Variants in DYNC2I2 observed in about 807,000 individuals in gnomAD.
DYNC2I2 encodes the protein cytoplasmic dynein 2 intermediate chain 2.
In DYNC2I2, 39 loss-of-function variants were observed where a neutral mutation model predicts 52.0. That is an observed-to-expected ratio of 0.75 (90% CI 0.58 to 0.98). DYNC2I2 has a LOEUF of 0.98. DYNC2I2 is among the 50% of genes least tolerant of loss of function. The probability of loss-of-function intolerance (pLI) is 0.00; values close to 1 mark genes in which losing one functional copy is unlikely to be tolerated. For synonymous variants in DYNC2I2, 359 were observed against 321.1 expected, an observed-to-expected ratio of 1.12 and a Z score of -1.26; for missense variants, 743 against 728.4, an observed-to-expected ratio of 1.02 and a Z score of -0.23.
chr9:128,676,848 T>TG, the DYNC2I2 span, among the ~76,000 whole-genome samples: 1 of 139,442 alleles, frequency 7.2e-6, no homozygotes, highest in Non-Finnish European at 1.6e-5. Context: ...TGTTTTTTTT[T>TG]TTGTTTTGTT....
chr9:128,666,007 G>T, the DYNC2I2 span, among the ~76,000 whole-genome samples: 4 of 151,176 alleles, frequency 2.6e-5, no homozygotes, highest in South Asian at 8.3e-4. Flanking sequence ...CCCAGGAGGC[G>T]GTGGTTGTAG....
upstream of DYNC2I2, among the ~76,000 whole-genome samples, chr9:128,660,312 G>A (rs1374189185): frequency 3.3e-5 from 5 of 151,674 alleles, no homozygotes; most frequent in East Asian, 1.9e-4. Flanking sequence ...AGGTTTCACC[G>A]TGTTAGCCAG....
upstream of DYNC2I2, among the ~76,000 whole-genome samples, chr9:128,661,020 G>A (rs984485061): frequency 6.6e-6 from 1 of 151,942 alleles, no homozygotes; most frequent in Non-Finnish European, 1.5e-5. Flanking sequence ...AAGCCACTGC[G>A]CCAGGTCAAA....
chr9:128,677,665 G>C, the DYNC2I2 span, among the ~76,000 whole-genome samples: 4 of 151,772 alleles, frequency 2.6e-5, no homozygotes, highest in Non-Finnish European at 5.9e-5. Context: ...AAATTAGCTC[G>C]GCGTGCTGGC....
chr9:128,680,144 T>C, the DYNC2I2 span, among the ~76,000 whole-genome samples: 1 of 151,928 alleles, frequency 6.6e-6, no homozygotes, highest in African/African-American at 2.4e-5. Context: ...CACCACAACC[T>C]CTGCCTCCCG....
intron 2 of DYNC2I2, among the ~76,000 whole-genome samples, chr9:128,637,750 A>AT (rs2132149251): frequency 6.6e-6 from 1 of 152,152 alleles, no homozygotes; most frequent in African/African-American, 2.4e-5. Flanking sequence ...GCTGCCCACG[A>AT]TTTTTTGTCA....
At chr9:128,663,649 C>CTTTTT in the DYNC2I2 span, 5 of 77,122 alleles carry the variant, frequency 6.5e-5, no homozygotes, top group African/African-American at 1.3e-4. Flanking sequence ...TAGTTTTTTT[C>CTTTTT]TTTTTTTTTT....
At chr9:128,661,944 AG>A in the DYNC2I2 span, among the ~76,000 whole-genome samples, 1 of 152,062 alleles carries the variant, frequency 6.6e-6, no homozygotes, top group African/African-American at 2.4e-5. Flanking sequence ...AGGGAGGCAG[AG>A]GCAGAAGAAT....
At chr9:128,671,106 G>C in the DYNC2I2 span, among the ~76,000 whole-genome samples, 1 of 150,406 alleles carries the variant, frequency 6.6e-6, no homozygotes, top group African/African-American at 2.4e-5. Context: ...AGAATGGGCA[G>C]TTTAGAAAAG....
At chr9:128,638,702 T>C (rs1256713667) in intron 2 of DYNC2I2, among the ~76,000 whole-genome samples, 1 of 152,078 alleles carries the variant, frequency 6.6e-6, no homozygotes, top group Non-Finnish European at 1.5e-5. Context: ...GTTTAGACCC[T>C]AGAGAAATGA....
At chr9:128,674,842 G>A in the DYNC2I2 span, among the ~76,000 whole-genome samples, 2 of 152,102 alleles carry the variant, frequency 1.3e-5, no homozygotes, top group Admixed American at 6.6e-5. Context: ...GCCTCCTAAC[G>A]TGCTGTGATT....
intron 1 of DYNC2I2, among the ~76,000 whole-genome samples, chr9:128,644,010 A>T (rs1430450676): frequency 6.6e-6 from 1 of 152,176 alleles, no homozygotes. Context: ...GGGATCAGAA[A>T]GTGCATGTGC....
At chr9:128,648,498 G>C (rs116627811) in intron 1 of DYNC2I2, among the ~76,000 whole-genome samples, 1 of 151,388 alleles carries the variant, frequency 6.6e-6, no homozygotes, top group Non-Finnish European at 1.5e-5. Flanking sequence ...CAAGCCAAGC[G>C]GGCAGGGCCA....
chr9:128,655,685 G>A (rs1471635282), intron 1 of DYNC2I2, among the ~76,000 whole-genome samples: 1 of 151,372 alleles, frequency 6.6e-6, no homozygotes, highest in African/African-American at 2.4e-5. Flanking sequence ...CGAGGAGGGC[G>A]GATCACGAGG....
intron 1 of DYNC2I2, 98 bp downstream of exon 1, chr9:128,656,443 G>T (rs1162541906): frequency 1.9e-6 from 2 of 1,051,410 alleles, no homozygotes; most frequent in Admixed American, 4.7e-5. Flanking sequence ...GCCCGAACCC[G>T]CCCGGCAGCC....
chr9:128,670,272 C>G, the DYNC2I2 span, among the ~76,000 whole-genome samples: 1 of 151,884 alleles, frequency 6.6e-6, no homozygotes, highest in African/African-American at 2.4e-5. Flanking sequence ...AACTCCGTCT[C>G]TACTAAAAAT....
In DYNC2I2 at chr9:128,640,850, G is replaced by A. The variant is rs368169728; in HGVS notation, c.276C>T (p.Pro92=). The A allele has an allele frequency of 5.2e-5, 84 of 1,613,262 alleles. No individual in the cohort carries two copies. The highest frequency in any genetic ancestry group is 2.3e-4 in the African/African-American group (17 of 74,916). The change falls in exon 2 of 9, where the codon CCC becomes CCT. Residue 92 remains proline (P), a synonymous_variant. Coordinates refer to ENST00000372715, the MANE Select transcript of DYNC2I2 (RefSeq NM_052844.4). ...ACGGGGGCTGCACGCTGACAGGCAC[G>A]GGGGCCTCCGTCTGCACCTGGGCGT... ...HVDAQVQTEA[P]VPVSVQPPSQ...
chr9:128,659,779 A>G (rs1860897061), upstream of DYNC2I2, among the ~76,000 whole-genome samples: 1 of 151,578 alleles, frequency 6.6e-6, no homozygotes, highest in Admixed American at 6.6e-5. Flanking sequence ...GTGGTGGCAC[A>G]TGCCTATAAT....
the DYNC2I2 span, among the ~76,000 whole-genome samples, chr9:128,681,482 T>C: frequency 1.6e-4 from 24 of 152,166 alleles, no homozygotes; most frequent in Non-Finnish European, 1.8e-4. Flanking sequence ...TTGTTTCCAG[T>C]TTGTCTATTA....
Sources: allele counts gnomAD v4.1 joint callset (sites outside exome capture counted in the v4.1 genomes callset), GRCh38; gene constraint gnomAD v4.1.1; transcripts MANE v1.5; gene names NCBI Gene and HGNC (gene_info 2026-07-23, HGNC 2026-07-21).